The following PTPRS variants were observed in gnomAD, a reference collection of about 807,000 sequenced individuals.
PTPRS encodes receptor-type tyrosine-protein phosphatase S.
In PTPRS, 63 loss-of-function variants were observed where a neutral mutation model predicts 215.3. The ratio of observed to expected loss-of-function variants is 0.29; its 90% CI spans 0.24 to 0.36. The LOEUF (loss-of-function observed/expected upper bound fraction) is 0.36. PTPRS is among the 10% of genes least tolerant of loss of function. The pLI, the probability that PTPRS is intolerant of heterozygous loss-of-function variation, is 1.00. For missense variants in PTPRS, 2,258 were observed against 2,825.8 expected, an observed-to-expected ratio of 0.80 and a Z score of 4.56; for synonymous variants, 1,404 against 1,191.4, an observed-to-expected ratio of 1.18 and a Z score of -3.68.
chr19:5,254,311 A>G (rs2045384019), intron 9 of PTPRS, among the ~76,000 whole-genome samples: 2 of 152,214 alleles, frequency 1.3e-5, no homozygotes, highest in African/African-American at 2.4e-5. Flanking sequence ...TGAGTGAGGG[A>G]CAAGAGGGGG....
chr19:5,309,606 G>A (rs1189158757), intron 1 of PTPRS, among the ~76,000 whole-genome samples: 4 of 152,034 alleles, frequency 2.6e-5, no homozygotes, highest in Admixed American at 6.6e-5. Flanking sequence ...TAATGGGGGC[G>A]TTTCCATGCC....
chr19:5,244,527 G>T lies in PTPRS; in HGVS notation c.989-45C>A. On this transcript the variant is annotated intron_variant, in intron 10 of 37. Transcript: ENST00000262963. The surrounding 1 kb of genome is among the most constrained non-coding windows in gnomAD (Gnocchi z 7.2). ...GTGTCACGCATTGGGCACATTGGTT[G>T]AGGACCCTGAAGGCTGTGTGACTTT... 1.3e-6 allele frequency: 2 copies of T among 1,521,528 alleles called. No homozygotes were observed. Among genetic ancestry groups the T allele is most frequent in the Non-Finnish European group, 1.8e-6 (2 of 1,110,224 alleles). 94.3% of individuals were successfully genotyped at this position (1,521,528 alleles called of 1,614,324 possible).
rs1349965787 is a variant in PTPRS, at chr19:5,205,831, A to G, written c.*943T>C. On this transcript the variant is annotated 3_prime_UTR_variant, in exon 38 of 38. Coordinates refer to ENST00000262963, the MANE Select transcript of PTPRS (RefSeq NM_002850.4). ...ACGGGGAGACAGCTCAGGCTCTCAG[A>G]GGAGGACCACTGTCATCTCTCTCCT... 6.6e-6 allele frequency among the ~76,000 whole-genome samples: 1 copy of G among 152,086 alleles called. No homozygotes were observed. The highest frequency in any genetic ancestry group is 6.5e-5 in the Admixed American group (1 of 15,274).
rs1202813530 is a variant in PTPRS at position 5,339,549 on chromosome 19, T to C, written c.-95+1115A>G. On this transcript the variant is annotated intron_variant, in intron 1 of 37. Transcript: ENST00000262963. This position sits in a 1 kb window ranked among gnomAD's most constrained non-coding sequence, Gnocchi z 4.2. The stretch of plus-strand genomic sequence containing the variant: ...GGGAAGGGGGGGAATTGGTGGGAAA[T>C]GTCCAGGATTTGTAGGGGGAGGTCC... Among the ~76,000 whole-genome samples, 3 of 150,648 alleles carry C rather than the reference T, an allele frequency of 2.0e-5. No homozygotes were observed. Among genetic ancestry groups the C allele is most frequent in the South Asian group, 2.1e-4 (1 of 4,740 alleles).
At chr19:5,260,297 A>T (rs1309379155) in intron 7 of PTPRS, among the ~76,000 whole-genome samples, 1 of 149,814 alleles carries the variant, frequency 6.7e-6, no homozygotes, top group Non-Finnish European at 1.5e-5. Context: ...CTCCTGCCTC[A>T]GCCTCCTGAG....
In PTPRS at chr19:5,336,823, T is replaced by A. The variant is rs146510449; in HGVS notation, c.-95+3841A>T. Among the ~76,000 whole-genome samples, 297 of 152,066 alleles carry A rather than the reference T, an allele frequency of 2.0e-3. 2 individuals carry two copies. Among genetic ancestry groups the A allele is most frequent in the Middle Eastern group, 0.01 (3 of 294 alleles). On this transcript the variant is annotated intron_variant, in intron 1 of 37. Coordinates refer to ENST00000262963, the MANE Select transcript of PTPRS (RefSeq NM_002850.4). The stretch of plus-strand genomic sequence containing the variant: ...GCGGCGGGTGGTGGGGGGGAGGGTC[T>A]CTCTTCAAATTCCCCTCCCTGGGCA...
intron 9 of PTPRS, among the ~76,000 whole-genome samples, chr19:5,251,761 T>C (rs1044735457): frequency 6.6e-6 from 1 of 151,864 alleles, no homozygotes; most frequent in African/African-American, 2.4e-5. Flanking sequence ...GAGTCCCCTC[T>C]CCCCGATGTG....
chr19:5,266,563 T>G (rs188654357), intron 4 of PTPRS, among the ~76,000 whole-genome samples: 12 of 152,118 alleles, frequency 7.9e-5, no homozygotes, highest in South Asian at 2.1e-4. Flanking sequence ...GAAGGGGTTT[T>G]GCCATGTTGG....
Position 5,218,771 on chromosome 19 carries a change from G to A in PTPRS, c.3935+16C>T. The A allele has an allele frequency of 8.1e-6, 13 of 1,612,518 alleles. No individual in the cohort carries two copies. The highest frequency in any genetic ancestry group is 1.1e-5 in the Non-Finnish European group (13 of 1,179,124). ...CCTCTTGCCTGAAGCCTCCACGGGG[G>A]AGGGCTGGTTCTTACCTGTCGGGTT... is the stretch of plus-strand genomic sequence containing the variant. On this transcript the variant is annotated intron_variant, in intron 24 of 37. Transcript: ENST00000262963.
chr19:5,267,662 A>AG (rs2046524940), intron 4 of PTPRS, among the ~76,000 whole-genome samples: 1 of 151,470 alleles, frequency 6.6e-6, no homozygotes, highest in Non-Finnish European at 1.5e-5. Context: ...CTCAAAAAAA[A>AG]AAAAAAAAGA....
chr19:5,283,573 T>G (rs1473410288), intron 2 of PTPRS, among the ~76,000 whole-genome samples: 1 of 149,234 alleles, frequency 6.7e-6, no homozygotes, highest in Non-Finnish European at 1.5e-5. Flanking sequence ...GGAGACTCCG[T>G]CTCAAAAAAA....
chr19:5,208,104 G>A, intron 36 of PTPRS, 47 bp from the exon 37 acceptor site: 1 of 1,598,190 alleles, frequency 6.3e-7, no homozygotes. Flanking sequence ...AGGTGCTGGG[G>A]AGCCCTGATC....
At chr19:5,332,940 G>C (rs2050374384) in intron 1 of PTPRS, among the ~76,000 whole-genome samples, 1 of 152,214 alleles carries the variant, frequency 6.6e-6, no homozygotes, top group Admixed American at 6.5e-5. Context: ...CTTGATGTCA[G>C]GAGTTTGAGA....
chr19:5,307,081 G>C (rs887738086), intron 1 of PTPRS, among the ~76,000 whole-genome samples: 4 of 152,214 alleles, frequency 2.6e-5, no homozygotes, highest in African/African-American at 9.7e-5. Context: ...GAGGCAGGAA[G>C]ATCACCTGAG....
intron 1 of PTPRS, among the ~76,000 whole-genome samples, chr19:5,291,016 C>T (rs551188354): frequency 6.9e-4 from 105 of 152,156 alleles, no homozygotes; most frequent in Non-Finnish European, 1.4e-3. Context: ...CCTCCCAGGG[C>T]GCCATTATCT....
chr19:5,266,568 T>C (rs1362723231), intron 4 of PTPRS, among the ~76,000 whole-genome samples: 3 of 152,088 alleles, frequency 2.0e-5, no homozygotes, highest in Admixed American at 6.6e-5. Context: ...GGTTTTGCCA[T>C]GTTGGCCAGG....
intron 11 of PTPRS, among the ~76,000 whole-genome samples, chr19:5,240,721 C>A (rs981276107): frequency 6.6e-6 from 1 of 151,194 alleles, no homozygotes; most frequent in African/African-American, 2.4e-5. Context: ...CACCTGTAGT[C>A]CCAGCTACTC....
chr19:5,246,884 TGAGA>T lies in PTPRS; in HGVS notation c.719-843_719-840del, dbSNP rs35986633. 7.2e-3 allele frequency among the ~76,000 whole-genome samples: 1,054 copies of T among 146,946 alleles called. 38 individuals are homozygous for T. Among genetic ancestry groups the T allele is most frequent in the Admixed American group, 0.064 (940 of 14,732 alleles). On this transcript the variant is annotated intron_variant, in intron 9 of 37. Transcript: ENST00000262963. Reference sequence around the variant, plus strand: ...GTCACAAACATCATGCAAAATAGATTGAGAGAGAGAGAGAGAGAGAAAGAGAGAG... The same window carrying T: ...GTCACAAACATCATGCAAAATAGATTGAGAGAGAGAGAGAGAAAGAGAGAG...
chr19:5,262,743 T>C (rs2046100063), intron 6 of PTPRS, among the ~76,000 whole-genome samples: 1 of 152,168 alleles, frequency 6.6e-6, no homozygotes, highest in Admixed American at 6.6e-5. Context: ...TCTTTTCCTC[T>C]TTTCCTTTGG....
Sources: allele counts gnomAD v4.1 joint callset (sites outside exome capture counted in the v4.1 genomes callset), GRCh38; gene constraint gnomAD v4.1.1; non-coding constraint Gnocchi (gnomAD v3.1); transcripts MANE v1.5; gene names NCBI Gene and HGNC (gene_info 2026-07-23, HGNC 2026-07-21).